The following WDR20 variants were observed in gnomAD, a reference collection of about 807,000 sequenced individuals.
WDR20 encodes WD repeat domain 20, also known as WD repeat-containing protein 20.
A neutral mutation model predicts 38.7 loss-of-function variants in WDR20; 3 were observed. The ratio of observed to expected loss-of-function variants is 0.08; its 90% confidence interval spans 0.04 to 0.20. The LOEUF is 0.20. WDR20 is among the 10% of genes least tolerant of loss of function. The pLI, the probability that WDR20 is intolerant of heterozygous loss-of-function variation, is 1.00. For missense variants in WDR20, 559 were observed against 727.7 expected, an observed-to-expected ratio of 0.77 and a Z score of 2.67; for synonymous variants, 298 against 285.6, an observed-to-expected ratio of 1.04 and a Z score of -0.44.
In WDR20 at chr14:102,208,839, C is replaced by T; in HGVS notation, c.669C>T (p.Leu223=). Residue 223 remains leucine, a synonymous_variant, in exon 3 of 3, where the codon CTC becomes CTT. Coordinates refer to ENST00000342702, the MANE Select transcript of WDR20 (RefSeq NM_144574.4). This position sits in a 1 kb window ranked among gnomAD's most constrained non-coding sequence, Gnocchi z 5.6. ...LLKWTVGEGA[L]NEFAFSPDGK... ...AGTGGACGGTGGGCGAGGGGGCCCT[C>T]AACGAGTTTGCTTTCTCCCCAGATG... 6.2e-7 allele frequency: 1 copy of T among 1,614,192 alleles called. No individual in the cohort carries two copies. The highest frequency in any genetic ancestry group is 8.5e-7 in the Non-Finnish European group (1 of 1,180,036).
chr14:102,223,178 A>G (rs1180431908), exon 4 of WDR20: 1 of 169,974 alleles, frequency 5.9e-6, no homozygotes, highest in Non-Finnish European at 1.2e-5. Context: ...TATATATAAT[A>G]TATACATATA....
At position 102,222,164 on chromosome 14, in the gene WDR20, G is replaced by A. The variant is rs1464274491; in HGVS notation, c.1693-666G>A. Among the ~76,000 whole-genome samples the A allele has an allele frequency of 6.7e-6, 1 of 150,184 alleles. No individual in the cohort carries two copies. Among genetic ancestry groups the A allele is most frequent in the African/African-American group, 2.5e-5 (1 of 40,592 alleles). On this transcript the variant is annotated intron_variant, in intron 3 of 3. Coordinates refer to the WDR20 transcript ENST00000335263. The surrounding 1 kb of genome is among the most constrained non-coding windows in gnomAD (Gnocchi z 4.4). ...GATGCCCCCCACCATTCTTCCTGCT[G>A]GCCCTGGTGGGTTGGCCCCCACATC...
At chr14:102,199,049 C>G (rs1440820240) in intron 2 of WDR20, among the ~76,000 whole-genome samples, 1 of 152,026 alleles carries the variant, frequency 6.6e-6, no homozygotes, top group East Asian at 1.9e-4. Flanking sequence ...ACAAAGAAGG[C>G]CTGGGTCTGA....
At chr14:102,193,178 C>T (rs1364518839) in intron 1 of WDR20, among the ~76,000 whole-genome samples, 2 of 147,564 alleles carry the variant, frequency 1.4e-5, no homozygotes, top group Non-Finnish European at 3.0e-5. Flanking sequence ...AGATGAATGG[C>T]ATGTGGTGTT....
chr14:102,189,522 G>A (rs1015408584), intron 1 of WDR20, among the ~76,000 whole-genome samples: 12 of 152,186 alleles, frequency 7.9e-5, no homozygotes, highest in African/African-American at 2.2e-4. Flanking sequence ...TCTGTGCCAG[G>A]CTGGATACCT....
At chr14:102,191,000 C>CA (rs552354837) in intron 1 of WDR20, among the ~76,000 whole-genome samples, 3,737 of 91,164 alleles carry the variant, frequency 0.041, 118 homozygotes, top group African/African-American at 0.11. Flanking sequence ...GACTCTATCT[C>CA]AAAAAAAAAA....
intron 1 of WDR20, among the ~76,000 whole-genome samples, chr14:102,167,079 G>A (rs1331560716): frequency 1.3e-5 from 2 of 152,132 alleles, no homozygotes; most frequent in Non-Finnish European, 2.9e-5. Flanking sequence ...CTAACACAGC[G>A]TACAAGCCCT....
intron 1 of WDR20, among the ~76,000 whole-genome samples, chr14:102,177,318 C>T (rs886863494): frequency 2.6e-5 from 4 of 152,164 alleles, no homozygotes; most frequent in African/African-American, 7.2e-5. Flanking sequence ...TTACTTCTTA[C>T]GTTTACAGAA....
At chr14:102,195,548 C>T (rs2059270365) in intron 2 of WDR20, among the ~76,000 whole-genome samples, 1 of 152,242 alleles carries the variant, frequency 6.6e-6, no homozygotes, top group South Asian at 2.1e-4. Context: ...GTTTGACAGT[C>T]ATTTGGCTAA....
chr14:102,152,434 GA>G (rs2056231575), intron 1 of WDR20, among the ~76,000 whole-genome samples: 2 of 83,684 alleles, frequency 2.4e-5, no homozygotes, highest in African/African-American at 3.9e-5. Flanking sequence ...TTTTTTTTTT[GA>G]GACAGAGTCT....
Position 102,151,294 on chromosome 14 carries a change from G to A in WDR20, c.249+11122G>A, listed in dbSNP as rs150937245. Among the ~76,000 whole-genome samples the A allele has an allele frequency of 4.3e-4, 65 of 151,358 alleles. 1 individual carries two copies. Among genetic ancestry groups the A allele is most frequent in the Non-Finnish European group, 5.4e-4 (37 of 67,974 alleles). ...GCCTGTGCCTAGGCCTCTTACACGA[G>A]CTTTTCTGTCAAAAAACGAACTATG... On this transcript the variant is annotated intron_variant, in intron 1 of 2. Transcript: ENST00000342702.
intron 1 of WDR20, among the ~76,000 whole-genome samples, chr14:102,192,267 C>A (rs1250223763): frequency 6.6e-6 from 1 of 151,870 alleles, no homozygotes; most frequent in Non-Finnish European, 1.5e-5. Context: ...GCAAGCTCCG[C>A]CTCCCAGGTT....
At position 102,220,335 on chromosome 14, in the gene WDR20, G is replaced by A. The variant is rs964282782; in HGVS notation, c.1693-2495G>A. Among the ~76,000 whole-genome samples, 7 of 152,298 alleles carry A rather than the reference G, an allele frequency of 4.6e-5. No homozygotes were observed. The highest frequency in any genetic ancestry group is 3.4e-3 in the Middle Eastern group (1 of 294). The stretch of plus-strand genomic sequence containing the variant: ...AGTCCAACCTGAAAAGTGCCATAAC[G>A]TGTCAACCACACAGCACACCTCAAA... On this transcript the variant is annotated intron_variant, in intron 3 of 3. Transcript: ENST00000335263. The surrounding 1 kb of genome is among the most constrained non-coding windows in gnomAD (Gnocchi z 4.2).
chr14:102,149,691 A>G (rs1378914251), intron 1 of WDR20, among the ~76,000 whole-genome samples: 1 of 152,000 alleles, frequency 6.6e-6, no homozygotes, highest in South Asian at 2.1e-4. Flanking sequence ...CATCAATTCT[A>G]TTTTATTTAT....
intron 1 of WDR20, among the ~76,000 whole-genome samples, chr14:102,183,809 A>G (rs1425198455): frequency 6.6e-6 from 1 of 152,240 alleles, no homozygotes; most frequent in Non-Finnish European, 1.5e-5. Context: ...TCTGCTGAAT[A>G]TAATGAGCCC....
chr14:102,165,700 G>A (rs77542590), intron 1 of WDR20, among the ~76,000 whole-genome samples: 2 of 145,440 alleles, frequency 1.4e-5, no homozygotes, highest in African/African-American at 5.1e-5. Context: ...GCAGTGGTTC[G>A]ATCACAACTG....
Position 102,208,536 on chromosome 14 carries a change from T to C in WDR20, c.433-67T>C. ...TTCCCATCGAGAAGCACACAAGTTTTCTTGCTGGAAAAGTAGACCTTTGAG... is the reference window on the plus strand; with the variant it reads ...TTCCCATCGAGAAGCACACAAGTTTCCTTGCTGGAAAAGTAGACCTTTGAG... On this transcript the variant is annotated intron_variant, in intron 2 of 2. Transcript: ENST00000342702. The surrounding 1 kb of genome is among the most constrained non-coding windows in gnomAD (Gnocchi z 5.6). The C allele has an allele frequency of 6.6e-7, 1 of 1,519,144 alleles. No homozygotes were observed. The highest frequency in any genetic ancestry group is 8.8e-7 in the Non-Finnish European group (1 of 1,135,384). 94.1% of individuals were successfully genotyped at this position (1,519,144 alleles called of 1,614,324 possible). A position where few individuals can be genotyped will look rare whatever the true frequency, so the allele number is the denominator to read the frequency against.
At chr14:102,173,193 A>C (rs1427999888) in intron 1 of WDR20, among the ~76,000 whole-genome samples, 1 of 150,430 alleles carries the variant, frequency 6.6e-6, no homozygotes, top group Non-Finnish European at 1.5e-5. Flanking sequence ...GCTCACTGCA[A>C]CCTTCACCTC....
intron 1 of WDR20, among the ~76,000 whole-genome samples, chr14:102,160,255 A>G (rs1177562509): frequency 6.6e-6 from 1 of 152,184 alleles, no homozygotes; most frequent in Non-Finnish European, 1.5e-5. Flanking sequence ...TTTAAAATTT[A>G]ATTTTATATT....
Sources: gnomAD v4.1 joint callset for allele counts (sites outside exome capture counted in the v4.1 genomes callset) on GRCh38, gnomAD v4.1.1 for gene constraint, Gnocchi (gnomAD v3.1) non-coding constraint, MANE v1.5 for transcripts, NCBI Gene and HGNC (gene_info 2026-07-23, HGNC 2026-07-21) for gene names.